CHD6: variants seen among roughly 807,000 people sequenced by gnomAD.
The protein encoded by CHD6 is chromodomain helicase DNA binding protein 6.
In CHD6, 50 loss-of-function variants were observed where a neutral mutation model predicts 276.9. The ratio of observed to expected loss-of-function variants is 0.18; its 90% CI spans 0.14 to 0.23. The LOEUF is 0.23. Ranked by LOEUF, CHD6 falls within the 10% of genes least tolerant of loss-of-function variation. The pLI is 1.00. For synonymous variants in CHD6, 1,173 were observed against 1,229.3 expected, an observed-to-expected ratio of 0.95 and a Z score of 0.96; for missense variants, 2,564 against 3,365.8, an observed-to-expected ratio of 0.76 and a Z score of 5.89.
At chr20:41,537,076 T>C (rs2044847974) in intron 2 of CHD6, among the ~76,000 whole-genome samples, 1 of 152,172 alleles carries the variant, frequency 6.6e-6, no homozygotes. Context: ...TATAATACTA[T>C]TAGACTTCCC....
At chr20:41,511,879 A>G (rs2044126702) in intron 5 of CHD6, among the ~76,000 whole-genome samples, 1 of 152,200 alleles carries the variant, frequency 6.6e-6, no homozygotes, top group Non-Finnish European at 1.5e-5. Context: ...CTAGACTTGC[A>G]ATACATGCTT....
chr20:41,594,008 A>G (rs1322397472), intron 1 of CHD6, among the ~76,000 whole-genome samples: 5 of 151,972 alleles, frequency 3.3e-5, no homozygotes, highest in Admixed American at 6.6e-5. Flanking sequence ...AAAAAAAAAA[A>G]TCCCATGATC....
At chr20:41,537,015 C>T (rs1409745133) in intron 2 of CHD6, among the ~76,000 whole-genome samples, 1 of 151,992 alleles carries the variant, frequency 6.6e-6, no homozygotes, top group Non-Finnish European at 1.5e-5. Context: ...TTTCCCTCTC[C>T]CAAATTTAGG....
At chr20:41,516,270 C>A (rs2044249038) in intron 3 of CHD6, among the ~76,000 whole-genome samples, 1 of 152,086 alleles carries the variant, frequency 6.6e-6, no homozygotes, top group Non-Finnish European at 1.5e-5. Flanking sequence ...TTTAATTCTC[C>A]TGCCTCAGTC....
chr20:41,556,156 G>A (rs1260860379), intron 1 of CHD6, among the ~76,000 whole-genome samples: 2 of 152,162 alleles, frequency 1.3e-5, no homozygotes. Flanking sequence ...GCAGGCTGAG[G>A]CAGGAGAATC....
chr20:41,601,967 G>A (rs1281639211), intron 1 of CHD6, among the ~76,000 whole-genome samples: 1 of 152,170 alleles, frequency 6.6e-6, no homozygotes, highest in Non-Finnish European at 1.5e-5. Context: ...TGCTTGCACA[G>A]CTGATTACCC....
In CHD6 at chr20:41,520,659, G is replaced by A. The variant is rs985446329; in HGVS notation, c.555-5707C>T. Reference sequence around the variant, plus strand: ...CACAGGAAGGGGAACATCACACACCGGGGCCTGTTGTGGGGTCGGGGGAGG... The same window carrying A: ...CACAGGAAGGGGAACATCACACACCAGGGCCTGTTGTGGGGTCGGGGGAGG... On this transcript the variant is annotated intron_variant, in intron 3 of 36. Transcript: ENST00000373233. 4.3e-4 allele frequency among the ~76,000 whole-genome samples: 58 copies of A among 135,914 alleles called. 1 individual carries two copies. Among genetic ancestry groups the A allele is most frequent in the African/African-American group, 1.4e-3 (53 of 37,236 alleles). 89.2% of individuals were successfully genotyped at this position (135,914 alleles called of 152,430 possible). A position where few individuals can be genotyped will look rare whatever the true frequency, so the allele number is the denominator to read the frequency against.
rs777741378 is a variant in CHD6 at position 41,422,013 on chromosome 20, C to A, written c.4622G>T (p.Arg1541Leu). The change falls in exon 31 of 37, where the codon CGC (arginine) becomes CTC (leucine). Residue 1541 changes from arginine to leucine, a missense_variant. Transcript: ENST00000373233. ...TCGGACTTTCCGTAACAGTTCAATG[C>A]GGTACAGAGTTCTTGCAGCACGTTC... ...TEERAARTLY[R>L]IELLRKVREQ... 6 of 1,613,912 alleles carry A rather than the reference C, an allele frequency of 3.7e-6. No homozygotes were observed. The highest frequency in any genetic ancestry group is 5.1e-6 in the Non-Finnish European group (6 of 1,179,946).
intron 13 of CHD6, 43 bp downstream of exon 13, chr20:41,488,385 A>G: frequency 6.5e-7 from 1 of 1,540,046 alleles, no homozygotes; most frequent in Non-Finnish European, 8.8e-7. Context: ...TCCAAGCTGA[A>G]CAAAAGGAAC....
intron 7 of CHD6, 183 bp downstream of exon 7, chr20:41,497,985 A>G (rs2043728888): frequency 1.8e-6 from 1 of 569,266 alleles, no homozygotes. Flanking sequence ...AAAGCTCTCC[A>G]GGTAATTCTG....
chr20:41,505,394 G>A (rs928109276), intron 5 of CHD6, among the ~76,000 whole-genome samples: 1 of 151,972 alleles, frequency 6.6e-6, no homozygotes, highest in Non-Finnish European at 1.5e-5. Context: ...AACACTCCAC[G>A]AGCCCTGTAT....
At chr20:41,496,214 A>G (rs1317090711) in intron 8 of CHD6, among the ~76,000 whole-genome samples, 3 of 152,252 alleles carry the variant, frequency 2.0e-5, no homozygotes, top group Non-Finnish European at 4.4e-5. Flanking sequence ...TGAACTGGCA[A>G]TATGTTTTCT....
At chr20:41,587,744 T>A (rs780215754) in intron 1 of CHD6, among the ~76,000 whole-genome samples, 2 of 152,076 alleles carry the variant, frequency 1.3e-5, no homozygotes, top group Non-Finnish European at 2.9e-5. Context: ...CACATCTAAC[T>A]GACCAGAGTT....
rs763536428 is a variant in CHD6, at chr20:41,405,193, G to A, written c.7548C>T (p.Ser2516=). ...TGCCTGGCAGCATCATGGGCAGCAT[G>A]CTCAGGGTACTTTTGACCTCTTCAC... The part of the protein sequence containing the change: ...PTGEEVKSTL[S]MLPMMLPGMA... Residue 2516 remains serine (S), a synonymous_variant, in exon 37 of 37, where the codon AGC becomes AGT. Coordinates refer to ENST00000373233, the MANE Select transcript of CHD6 (RefSeq NM_032221.5). 11 of 1,614,112 alleles carry A rather than the reference G, an allele frequency of 6.8e-6. No homozygotes were observed. Among genetic ancestry groups the A allele is most frequent in the African/African-American group, 1.3e-5 (1 of 74,956 alleles).
At chr20:41,570,516 T>C (rs6065375) in intron 1 of CHD6, among the ~76,000 whole-genome samples, 6 of 152,242 alleles carry the variant, frequency 3.9e-5, no homozygotes, top group Admixed American at 1.3e-4. Flanking sequence ...TCACCACTTA[T>C]GCTGTTTTCT....
rs2145344609 is a variant in CHD6 at position 41,403,947 on chromosome 20, T to C, written c.*646A>G. The C allele has an allele frequency of 9.5e-7, 1 of 1,054,352 alleles. No individual in the cohort carries two copies. The highest frequency in any genetic ancestry group is 5.3e-5 in the East Asian group (1 of 18,702). The allele number at this position is 1,054,352 out of a possible 1,614,324, so 65.3% of individuals were successfully genotyped here. A position where few individuals can be genotyped will look rare whatever the true frequency, so the allele number is the denominator to read the frequency against. The stretch of plus-strand genomic sequence containing the variant: ...ATAATGCCTAGTCAGTCAGTATTTC[T>C]TCTTGCTGCAGGTGTCTGAAAAACC... On this transcript the variant is annotated 3_prime_UTR_variant, in exon 37 of 37. Transcript: ENST00000373233.
intron 1 of CHD6, among the ~76,000 whole-genome samples, chr20:41,609,382 C>T (rs747052008): frequency 1.3e-5 from 2 of 152,178 alleles, no homozygotes; most frequent in African/African-American, 2.4e-5. Flanking sequence ...AAATGTTGTG[C>T]CCCATAATCA....
At chr20:41,585,511 CAA>C (rs60920576) in intron 1 of CHD6, among the ~76,000 whole-genome samples, 32 of 74,240 alleles carry the variant, frequency 4.3e-4, no homozygotes, top group African/African-American at 8.7e-4. Flanking sequence ...TCCGTCTCAC[CAA>C]AAAAAAAAAA....
rs943556091 is a variant in CHD6 at position 41,483,314 on chromosome 20, C to T, written c.2463G>A (p.Gln821=). The change falls in exon 16 of 37, where the codon CAG becomes CAA. Residue 821 remains glutamine, a synonymous_variant. Transcript: ENST00000373233. ...AGCTTTGACACAAGTCTCACCTTCT[C>T]TGGATGAGGTAATCTTCTAGGATGT... ...CLDILEDYLI[Q]RRYTYERIDG... 3 of 1,610,972 alleles carry T rather than the reference C, an allele frequency of 1.9e-6. No homozygotes were observed. The highest frequency in any genetic ancestry group is 1.3e-5 in the African/African-American group (1 of 74,802).
Sources: allele counts gnomAD v4.1 joint callset (sites outside exome capture counted in the v4.1 genomes callset), GRCh38; gene constraint gnomAD v4.1.1; transcripts MANE v1.5; gene names NCBI Gene and HGNC (gene_info 2026-07-23, HGNC 2026-07-21).